Variants in SV2C observed in about 807,000 individuals in gnomAD.
SV2C encodes synaptic vesicle glycoprotein 2C.
A neutral mutation model predicts 79.7 loss-of-function variants in SV2C; 49 were observed. The ratio of observed to expected loss-of-function variants is 0.61; its 90% CI spans 0.49 to 0.78. SV2C has a LOEUF of 0.78. Among genes scored for constraint, SV2C ranks in the 30% least tolerant of loss-of-function variants. The pLI is 0.00. For synonymous variants in SV2C, 334 were observed against 333.2 expected, an observed-to-expected ratio of 1.00 and a Z score of -0.03; for missense variants, 833 against 912.9, an observed-to-expected ratio of 0.91 and a Z score of 1.13.
the SV2C span, among the ~76,000 whole-genome samples, chr5:76,035,205 G>C: frequency 6.6e-6 from 1 of 150,774 alleles, no homozygotes; most frequent in Non-Finnish European, 1.5e-5. Context: ...CCAGCTCCTG[G>C]ATTCGTTAAT....
At chr5:76,251,512 T>C (rs925163595) in intron 4 of SV2C, among the ~76,000 whole-genome samples, 1 of 152,154 alleles carries the variant, frequency 6.6e-6, no homozygotes, top group Non-Finnish European at 1.5e-5. Context: ...GATTGTGTCA[T>C]TGCCCTCCAG....
At chr5:75,979,827 C>A in the SV2C span, among the ~76,000 whole-genome samples, 1 of 152,116 alleles carries the variant, frequency 6.6e-6, no homozygotes, top group East Asian at 1.9e-4. Flanking sequence ...ATTAGAGAAC[C>A]AAGGGCAGAT....
Position 76,175,208 on chromosome 5 carries a change from CTCT to C in SV2C, c.581-19706_581-19704del, listed in dbSNP as rs899760760. ...CATGTTGGCCTTCACAGAATCAGAG[CTCT>C]TCTTTGCTAGATAAAGTGTGGGGGA... On this transcript the variant is annotated intron_variant, in intron 2 of 12. Transcript: ENST00000502798. 3.2e-4 allele frequency among the ~76,000 whole-genome samples: 48 copies of C among 152,176 alleles called. 1 individual carries two copies. The highest frequency in any genetic ancestry group is 1.1e-3 in the African/African-American group (47 of 41,440).
intron 6 of SV2C, among the ~76,000 whole-genome samples, chr5:76,290,310 A>G (rs1747515076): frequency 1.3e-5 from 2 of 152,206 alleles, no homozygotes; most frequent in Non-Finnish European, 2.9e-5. Flanking sequence ...AAACTGGCCT[A>G]GGTACCTGTA....
the SV2C span, among the ~76,000 whole-genome samples, chr5:75,847,588 A>G: frequency 1.1e-4 from 16 of 152,210 alleles, no homozygotes; most frequent in Non-Finnish European, 2.1e-4. Flanking sequence ...ATAGCTGCCC[A>G]CATTTTCTCA....
chr5:76,307,897 T>A (rs1748258603), intron 12 of SV2C, among the ~76,000 whole-genome samples: 1 of 152,194 alleles, frequency 6.6e-6, no homozygotes, highest in Non-Finnish European at 1.5e-5. Context: ...ATTTTTTCCA[T>A]TTTTGCCGTG....
chr5:76,295,095 A>C (rs1324737440), intron 8 of SV2C, among the ~76,000 whole-genome samples: 1 of 152,182 alleles, frequency 6.6e-6, no homozygotes, highest in East Asian at 1.9e-4. Flanking sequence ...GTCTTACTCC[A>C]TTTCTGCTGC....
the SV2C span, among the ~76,000 whole-genome samples, chr5:76,071,344 C>A: frequency 6.6e-6 from 1 of 152,160 alleles, no homozygotes; most frequent in African/African-American, 2.4e-5. Flanking sequence ...CAGTTCTGAG[C>A]TGCCGATGCA....
At chr5:76,151,910 G>A (rs916584276) in intron 2 of SV2C, among the ~76,000 whole-genome samples, 4 of 152,166 alleles carry the variant, frequency 2.6e-5, no homozygotes, top group Non-Finnish European at 4.4e-5. Context: ...GGGGCCTCAC[G>A]GGGAAGCTAG....
At chr5:75,932,787 A>AT in the SV2C span, among the ~76,000 whole-genome samples, 3 of 152,178 alleles carry the variant, frequency 2.0e-5, no homozygotes, top group East Asian at 5.8e-4. Context: ...AGCATGTCAC[A>AT]TTGCTACAGA....
chr5:75,977,502 A>G, the SV2C span, among the ~76,000 whole-genome samples: 1 of 152,200 alleles, frequency 6.6e-6, no homozygotes, highest in Non-Finnish European at 1.5e-5. Context: ...TTCATTAATC[A>G]CTATTAAAAG....
chr5:76,195,349 G>T (rs1444350262), intron 3 of SV2C, among the ~76,000 whole-genome samples: 1 of 152,082 alleles, frequency 6.6e-6, no homozygotes, highest in African/African-American at 2.4e-5. Flanking sequence ...GTTTTAAATG[G>T]AATGCTGTTT....
the SV2C span, among the ~76,000 whole-genome samples, chr5:76,033,269 A>G: frequency 1.3e-5 from 2 of 151,546 alleles, no homozygotes; most frequent in African/African-American, 4.8e-5. Flanking sequence ...CCATTTGTCA[A>G]TTTTGGCTTT....
At chr5:76,034,030 C>T in the SV2C span, among the ~76,000 whole-genome samples, 1,508 of 131,192 alleles carry the variant, frequency 0.011, 19 homozygotes, top group African/African-American at 0.036. Flanking sequence ...GGAGTTCACT[C>T]ATGATTTGGC....
At chr5:76,230,819 A>C (rs1745395459) in intron 4 of SV2C, among the ~76,000 whole-genome samples, 1 of 152,086 alleles carries the variant, frequency 6.6e-6, no homozygotes, top group Non-Finnish European at 1.5e-5. Flanking sequence ...AAAAGAAAGA[A>C]AGGCAAGAAA....
intron 12 of SV2C, among the ~76,000 whole-genome samples, chr5:76,323,050 C>G (rs1019986405): frequency 6.6e-6 from 1 of 152,186 alleles, no homozygotes; most frequent in Non-Finnish European, 1.5e-5. Flanking sequence ...TGTAATTAAA[C>G]TAAAGATCTT....
chr5:75,937,652 C>T, the SV2C span, among the ~76,000 whole-genome samples: 1 of 151,974 alleles, frequency 6.6e-6, no homozygotes, highest in South Asian at 2.1e-4. Flanking sequence ...GAGACTGTAG[C>T]GAGCTGTGAT....
chr5:75,902,838 G>T, the SV2C span, among the ~76,000 whole-genome samples: 4 of 152,162 alleles, frequency 2.6e-5, no homozygotes, highest in Admixed American at 6.5e-5. Flanking sequence ...TATTTATATG[G>T]GATGTGTGAT....
At chr5:76,335,888 C>T (rs1156640282), downstream of SV2C, among the ~76,000 whole-genome samples, 1 of 152,220 alleles carries the variant, frequency 6.6e-6, no homozygotes, top group Non-Finnish European at 1.5e-5. Context: ...CCTTTCTATT[C>T]CACAAAACTG....
Sources: allele counts gnomAD v4.1 joint callset (sites outside exome capture counted in the v4.1 genomes callset), GRCh38; gene constraint gnomAD v4.1.1; transcripts MANE v1.5; gene names NCBI Gene and HGNC (gene_info 2026-07-23, HGNC 2026-07-21).